The following PRKCA variants were observed in gnomAD, a reference collection of about 807,000 sequenced individuals.
PRKCA encodes the protein protein kinase C alpha type.
In PRKCA, 27 loss-of-function variants were observed where a neutral mutation model predicts 87.0. The ratio of observed to expected loss-of-function variants is 0.31; its 90% CI spans 0.23 to 0.43. PRKCA has a LOEUF of 0.43. Ranked by LOEUF, PRKCA falls within the 20% of genes least tolerant of loss-of-function variation. The pLI, the probability that PRKCA is intolerant of heterozygous loss-of-function variation, is 1.00. For missense variants in PRKCA, 518 were observed against 852.3 expected, an observed-to-expected ratio of 0.61 and a Z score of 4.88; for synonymous variants, 329 against 311.1, an observed-to-expected ratio of 1.06 and a Z score of -0.61.
chr17:66,587,895 GTATATATATA>G (rs71160580), intron 3 of PRKCA, among the ~76,000 whole-genome samples: 4,107 of 85,396 alleles, frequency 0.048, 529 homozygotes, highest in African/African-American at 0.12. Flanking sequence ...GTGTGTGTGT[GTATATATATA>G]TATATATATA....
intron 3 of PRKCA, among the ~76,000 whole-genome samples, chr17:66,579,224 G>T (rs907149087): frequency 1.3e-5 from 2 of 152,166 alleles, no homozygotes; most frequent in African/African-American, 4.8e-5. Context: ...CCATAATTAC[G>T]TAATTACCCT....
chr17:66,739,955 C>T (rs999437014), intron 11 of PRKCA, among the ~76,000 whole-genome samples: 6 of 151,892 alleles, frequency 4.0e-5, no homozygotes, highest in Non-Finnish European at 8.8e-5. Flanking sequence ...GCTGGTGAGA[C>T]CCTTTATAGA....
rs1297560368 is a variant in PRKCA at position 66,687,254 on chromosome 17, G to C, written c.673G>C (p.Glu225Gln). Residue 225 changes from glutamate (E) to glutamine (Q), a missense_variant, in exon 6 of 17, where the codon GAG (glutamate) becomes CAG (glutamine). Coordinates refer to ENST00000413366, the MANE Select transcript of PRKCA (RefSeq NM_002737.3). Reference protein sequence around the residue: ...IRSTLNPQWNESFTFKLKPSD... With the variant: ...IRSTLNPQWNQSFTFKLKPSD... The stretch of plus-strand genomic sequence containing the variant: ...CTCCACACTAAATCCGCAGTGGAAT[G>C]AGTCCTTTACATTGTAAGTGGTCTC... The C allele has an allele frequency of 6.2e-7, 1 of 1,613,852 alleles. No homozygotes were observed. The highest frequency in any genetic ancestry group is 2.2e-5 in the East Asian group (1 of 44,896).
chr17:66,603,453 G>A (rs939968847), intron 3 of PRKCA, among the ~76,000 whole-genome samples: 3 of 152,092 alleles, frequency 2.0e-5, no homozygotes, highest in African/African-American at 7.2e-5. Flanking sequence ...ATATACAAAC[G>A]TTTGTCTAAA....
At chr17:66,391,366 G>C (rs1319874902) in intron 2 of PRKCA, among the ~76,000 whole-genome samples, 1 of 152,114 alleles carries the variant, frequency 6.6e-6, no homozygotes, top group African/African-American at 2.4e-5. Flanking sequence ...AAGAAAAGAT[G>C]GATGTTCCTC....
At chr17:66,632,182 G>A (rs1015109043) in intron 3 of PRKCA, among the ~76,000 whole-genome samples, 2 of 152,140 alleles carry the variant, frequency 1.3e-5, no homozygotes, top group African/African-American at 2.4e-5. Context: ...GCTGGACTTC[G>A]TGGTAATTTG....
At chr17:66,663,780 C>T (rs934684865) in intron 5 of PRKCA, among the ~76,000 whole-genome samples, 6 of 152,104 alleles carry the variant, frequency 3.9e-5, no homozygotes, top group Non-Finnish European at 5.9e-5. Flanking sequence ...CTCCCTTTCT[C>T]CTTTTAGCAA....
intron 2 of PRKCA, among the ~76,000 whole-genome samples, chr17:66,338,008 C>G (rs1160098617): frequency 1.3e-5 from 2 of 150,270 alleles, no homozygotes; most frequent in African/African-American, 5.0e-5. Flanking sequence ...CTTCCCCCCC[C>G]TCCGCCCCCC....
At chr17:66,472,667 T>C (rs1162507702) in intron 2 of PRKCA, among the ~76,000 whole-genome samples, 1 of 152,220 alleles carries the variant, frequency 6.6e-6, no homozygotes, top group African/African-American at 2.4e-5. Flanking sequence ...ATCCCTTTCC[T>C]GCCTTTAGCC....
chr17:66,432,693 T>C (rs1313509111), intron 2 of PRKCA, among the ~76,000 whole-genome samples: 1 of 152,052 alleles, frequency 6.6e-6, no homozygotes, highest in Non-Finnish European at 1.5e-5. Flanking sequence ...GTGAGTTTCT[T>C]TGGTATTTTG....
At chr17:66,566,507 C>T (rs1461430081) in intron 3 of PRKCA, among the ~76,000 whole-genome samples, 2 of 90,390 alleles carry the variant, frequency 2.2e-5, no homozygotes, top group Non-Finnish European at 4.2e-5. Context: ...TTTTTTGCAA[C>T]AGCTTTCCCC....
intron 2 of PRKCA, among the ~76,000 whole-genome samples, chr17:66,422,064 G>A (rs1013921034): frequency 1.3e-5 from 2 of 152,070 alleles, no homozygotes; most frequent in South Asian, 2.1e-4. Context: ...GTATCTTTAC[G>A]TGGTTTTCTC....
chr17:66,735,582 A>C lies in PRKCA; in HGVS notation c.1150A>C (p.Thr384Pro). 3.1e-6 allele frequency: 5 copies of C among 1,614,158 alleles called. No homozygotes were observed. Among genetic ancestry groups the C allele is most frequent in the Non-Finnish European group, 4.2e-6 (5 of 1,180,028 alleles). ...GATTCAGGATGATGACGTGGAGTGC[A>C]CCATGGTAGAAAAGCGAGTCTTGGC... is the stretch of plus-strand genomic sequence containing the variant. ...VVIQDDDVEC[T>P]MVEKRVLALL... Residue 384 changes from threonine (T) to proline (P), a missense_variant, in exon 10 of 17, where the codon ACC (threonine) becomes CCC (proline). Thr to Pro is a conservative substitution (Grantham distance 38). Around this residue, in one of 5 missense-constraint regions of PRKCA, gnomAD observed 300 missense variants for 496.8 expected, o/e 0.60. Transcript: ENST00000413366.
intron 2 of PRKCA, among the ~76,000 whole-genome samples, chr17:66,382,680 A>C (rs757625458): frequency 2.6e-5 from 4 of 152,216 alleles, no homozygotes; most frequent in African/African-American, 9.7e-5. Context: ...TAACTTAAAC[A>C]TAGTGGTTCT....
chr17:66,561,710 T>C (rs981545853), intron 3 of PRKCA, among the ~76,000 whole-genome samples: 1 of 152,152 alleles, frequency 6.6e-6, no homozygotes, highest in East Asian at 1.9e-4. Flanking sequence ...CTACATATGA[T>C]AGAGTGTTGT....
intron 3 of PRKCA, among the ~76,000 whole-genome samples, chr17:66,582,869 C>T (rs1969486805): frequency 1.3e-5 from 2 of 152,170 alleles, no homozygotes; most frequent in African/African-American, 4.8e-5. Flanking sequence ...ATTCCACCCT[C>T]AGCTGAGTGT....
intron 2 of PRKCA, among the ~76,000 whole-genome samples, chr17:66,450,791 TGTACTAGTACATTTGTCTTCATA>T (rs1290987327): frequency 2.0e-3 from 1 of 488 alleles, no homozygotes; most frequent in East Asian, 0.12. Flanking sequence ...CATGGGCCCC[TGTACTAGTACATTTGTCTTCATA>T]AGCTGTGCTG....
intron 13 of PRKCA, among the ~76,000 whole-genome samples, chr17:66,755,434 C>T (rs557076378): frequency 2.6e-5 from 4 of 152,332 alleles, no homozygotes; most frequent in East Asian, 1.9e-4. Context: ...GGCCACTTCA[C>T]GCTCCTGGCT....
rs72848644 is a variant in PRKCA at position 66,720,189 on chromosome 17, C to T, written c.919-12499C>T. 9.8e-4 allele frequency among the ~76,000 whole-genome samples: 150 copies of T among 152,334 alleles called. 2 individuals carry two copies. The highest frequency in any genetic ancestry group is 3.2e-3 in the African/African-American group (133 of 41,588). ...CAATGTCAGAAGGAGTAGGGAGCCT[C>T]GGGGCTAAAGCATCCTTTGAGCAGA... On this transcript the variant is annotated intron_variant, in intron 8 of 16. Coordinates refer to ENST00000413366, the MANE Select transcript of PRKCA (RefSeq NM_002737.3).
Sources: gnomAD v4.1 joint callset for allele counts (sites outside exome capture counted in the v4.1 genomes callset) on GRCh38, gnomAD v4.1.1 for gene constraint, gnomAD v4.1.1 regional missense constraint, MANE v1.5 for transcripts, NCBI Gene and HGNC (gene_info 2026-07-23, HGNC 2026-07-21) for gene names.